The following NEB variants were observed in gnomAD, a reference collection of about 807,000 sequenced individuals.
NEB encodes nemaline myopathy type 2.
A neutral mutation model predicts 952.2 loss-of-function variants in NEB; 512 were observed. The observed-to-expected ratio is 0.54, with a 90% CI of 0.50 to 0.58. The LOEUF (loss-of-function observed/expected upper bound fraction) is 0.58. NEB is among the 20% of genes least tolerant of loss of function. The pLI is 0.00. For missense variants in NEB, 8,428 were observed against 9,231.1 expected, an observed-to-expected ratio of 0.91 and a Z score of 3.56; for synonymous variants, 2,900 against 3,149.8, an observed-to-expected ratio of 0.92 and a Z score of 2.66.
In NEB at chr2:151,568,058, C is replaced by T; in HGVS notation, c.17844+13G>A. ...CCACTTTTGCAAAATGCACTCCCAT[C>T]AGGATGTATTACCTCACTCTGAACG... On this transcript the variant is annotated intron_variant, in intron 113 of 181. Transcript: ENST00000397345. The T allele has an allele frequency of 1.2e-6, 2 of 1,606,690 alleles. No individual in the cohort carries two copies. The highest frequency in any genetic ancestry group is 1.7e-6 in the Non-Finnish European group (2 of 1,174,422).
At chr2:151,724,781 A>G in intron 7 of NEB, 76 bp downstream of exon 7, 1 of 1,273,878 alleles carries the variant, frequency 7.9e-7, no homozygotes, top group Non-Finnish European at 1.1e-6. Context: ...AGGCCTGTCC[A>G]ATTTTCTCCT....
chr2:151,486,066 CAAAGTA>C (rs2152631014), intron 181 of NEB, 133 bp from the exon 182 acceptor site: 1 of 915,456 alleles, frequency 1.1e-6, no homozygotes, highest in Non-Finnish European at 1.6e-6. Flanking sequence ...CAAGCATCAA[CAAAGTA>C]AAAGGAACCC....
In NEB at chr2:151,695,051, G is replaced by A. The variant is rs12619249; in HGVS notation, c.1675-422C>T. Among the ~76,000 whole-genome samples, 1,068 of 152,164 alleles carry A rather than the reference G, an allele frequency of 7.0e-3. 21 individuals carry two copies. Among genetic ancestry groups the A allele is most frequent in the East Asian group, 0.062 (321 of 5,178 alleles). On this transcript the variant is annotated intron_variant, in intron 18 of 181. Coordinates refer to ENST00000397345, the MANE Select transcript of NEB (RefSeq NM_001164508.2). ...CAGATAATCTTAGTACTCATTTATA[G>A]AATTATTGAAGAAATTGAGAACCCC...
chr2:151,509,788 C>T (rs1162233709), intron 161 of NEB, among the ~76,000 whole-genome samples: 1 of 152,094 alleles, frequency 6.6e-6, no homozygotes, highest in African/African-American at 2.4e-5. Context: ...CCACCACAAC[C>T]AGCTAATGAT....
At chr2:151,613,501 T>A (rs1164483951) in intron 77 of NEB, among the ~76,000 whole-genome samples, 1 of 152,248 alleles carries the variant, frequency 6.6e-6, no homozygotes, top group East Asian at 1.9e-4. Flanking sequence ...TTTTATCCAT[T>A]GTAAGTATAA....
At chr2:151,554,086 A>G (rs1475622985) in intron 125 of NEB, 61 bp from the exon 126 acceptor site, 7 of 1,524,508 alleles carry the variant, frequency 4.6e-6, no homozygotes, top group African/African-American at 1.4e-5. Flanking sequence ...TCATGGCCAT[A>G]CATGAGAAGT....
chr2:151,488,188 T>C (rs2052701654), intron 181 of NEB, among the ~76,000 whole-genome samples: 1 of 152,116 alleles, frequency 6.6e-6, no homozygotes, highest in Non-Finnish European at 1.5e-5. Flanking sequence ...TTATTCTTTT[T>C]CAATATTAAT....
At chr2:151,673,953 C>T (rs559067790) in intron 36 of NEB, among the ~76,000 whole-genome samples, 4 of 151,894 alleles carry the variant, frequency 2.6e-5, no homozygotes, top group Admixed American at 1.3e-4. Context: ...CCACCATGCC[C>T]GGCCAAAATT....
intron 66 of NEB, 83 bp downstream of exon 66, chr2:151,631,060 T>C (rs4233653): frequency 0.29 from 438,580 of 1,535,748 alleles, 66,003 homozygotes; most frequent in Admixed American, 0.4. Flanking sequence ...CACGCCTTCA[T>C]AGATAATTTA....
chr2:151,666,663 AG>A (rs1274068489), intron 40 of NEB, among the ~76,000 whole-genome samples: 1 of 152,150 alleles, frequency 6.6e-6, no homozygotes, highest in Non-Finnish European at 1.5e-5. Flanking sequence ...ATATACTCAA[AG>A]GTTCCTGAGA....
In NEB at chr2:151,640,033, T is replaced by C. The variant is rs372669969; in HGVS notation, c.8713A>G (p.Met2905Val). The C allele has an allele frequency of 6.2e-7, 1 of 1,613,850 alleles. No homozygotes were observed. The highest frequency in any genetic ancestry group is 1.3e-5 in the African/African-American group (1 of 75,048). The change falls in exon 62 of 182, where the codon ATG becomes GTG. Residue 2905 changes from methionine (M) to valine (V), a missense_variant. This residue lies in a region of NEB where 1,772 missense variants were observed against 1,960.3 expected (regional missense o/e 0.90). Coordinates refer to ENST00000397345, the MANE Select transcript of NEB (RefSeq NM_001164508.2). ...ATGGACACCCAGCCAATGCCTCTCATCCACTGGAGATCAGACTTGTACATA... is the reference window on the plus strand; with the variant it reads ...ATGGACACCCAGCCAATGCCTCTCACCCACTGGAGATCAGACTTGTACATA... The part of the protein sequence containing the change: ...DNMYKSDLQW[M>V]RGIGWVSIGS...
intron 107 of NEB, among the ~76,000 whole-genome samples, chr2:151,571,461 C>T (rs1455242341): frequency 3.3e-5 from 5 of 152,026 alleles, no homozygotes; most frequent in Non-Finnish European, 7.4e-5. Context: ...TTCTTTAATG[C>T]AATAATTCAA....
intron 171 of NEB, chr2:151,497,371 C>T: frequency 1.0e-6 from 1 of 980,334 alleles, no homozygotes. Context: ...GTTATCCACA[C>T]AAACTGAAAA....
intron 38 of NEB, among the ~76,000 whole-genome samples, chr2:151,670,325 C>T (rs1427337265): frequency 3.9e-5 from 6 of 152,068 alleles, no homozygotes; most frequent in Admixed American, 2.6e-4. Context: ...TTTACTTACC[C>T]GTCTCTTTCT....
chr2:151,609,834 T>A lies in NEB; in HGVS notation c.12305A>T (p.Lys4102Ile), dbSNP rs765006052. 1 of 1,597,060 alleles carries A rather than the reference T, an allele frequency of 6.3e-7. No individual in the cohort carries two copies. The part of the protein sequence containing the change: ...MPDQNDIIQA[K>I]KAYDLQSDSV... ...ATCACTCTGCAGGTCATAGGCCTTT[T>A]TTGCTTGGATAATGTCGTTTTGATC... The change falls in exon 81 of 182, where the codon AAA becomes ATA. Residue 4102 changes from lysine to isoleucine, a missense_variant. Around this residue, in one of 11 missense-constraint regions of NEB, gnomAD observed 337 missense variants for 297.5 expected, o/e 1.13. Coordinates refer to ENST00000397345, the MANE Select transcript of NEB (RefSeq NM_001164508.2).
intron 105 of NEB, among the ~76,000 whole-genome samples, chr2:151,578,595 A>G (rs1284926227): frequency 1.3e-5 from 2 of 151,174 alleles, no homozygotes; most frequent in African/African-American, 4.9e-5. Flanking sequence ...CGGGAGGCAG[A>G]GGTTGCAGTG....
intron 150 of NEB, 92 bp downstream of exon 150, chr2:151,525,866 T>C (rs558457083): frequency 2.1e-6 from 2 of 962,450 alleles, no homozygotes; most frequent in South Asian, 2.6e-5. Context: ...TGAAGCTACA[T>C]AAAGGAAGCA....
chr2:151,670,376 T>C (rs1044452792), intron 38 of NEB, among the ~76,000 whole-genome samples: 2 of 151,926 alleles, frequency 1.3e-5, no homozygotes, highest in Non-Finnish European at 2.9e-5. Context: ...TAACAAGTCA[T>C]GTGAGGCCCT....
chr2:151,673,893 G>T (rs985177520), intron 36 of NEB, among the ~76,000 whole-genome samples: 1 of 151,678 alleles, frequency 6.6e-6, no homozygotes, highest in African/African-American at 2.4e-5. Context: ...GCCACCATTC[G>T]ATCTCCTGAC....
Sources: gnomAD v4.1 joint callset for allele counts (sites outside exome capture counted in the v4.1 genomes callset) on GRCh38, gnomAD v4.1.1 for gene constraint, gnomAD v4.1.1 regional missense constraint, MANE v1.5 for transcripts, NCBI Gene and HGNC (gene_info 2026-07-23, HGNC 2026-07-21) for gene names.